The following GPC5 variants were observed in gnomAD, a reference collection of about 807,000 sequenced individuals.
The protein encoded by GPC5 is glypican 5.
GPC5 carries 47 observed loss-of-function variants against 53.9 expected under a neutral mutation model. The ratio of observed to expected loss-of-function variants is 0.87; its 90% CI spans 0.69 to 1.11. GPC5 has a LOEUF of 1.11. GPC5 is among the 50% of genes most tolerant of loss of function. The probability of loss-of-function intolerance (pLI) is 0.00; values close to 1 mark genes in which losing one functional copy is unlikely to be tolerated. For synonymous variants in GPC5, 286 were observed against 263.3 expected, an observed-to-expected ratio of 1.09 and a Z score of -0.84; for missense variants, 748 against 713.1, an observed-to-expected ratio of 1.05 and a Z score of -0.56.
At chr13:92,241,319 A>T (rs1387170048) in intron 7 of GPC5, 1 of 152,178 alleles carries the variant, frequency 6.6e-6, no homozygotes. Flanking sequence ...AATGGAAGAG[A>T]CTGGAACTCT....
chr13:92,329,793 T>G (rs716624), intron 7 of GPC5, among the ~76,000 whole-genome samples: 61,642 of 151,938 alleles, frequency 0.41, 12,654 homozygotes, highest in Middle Eastern at 0.52. Flanking sequence ...CAAGAAAACA[T>G]CACAGGACAG....
At chr13:92,263,990 A>C (rs2042783676) in intron 7 of GPC5, among the ~76,000 whole-genome samples, 1 of 152,196 alleles carries the variant, frequency 6.6e-6, no homozygotes, top group Non-Finnish European at 1.5e-5. Context: ...GGAGTGATGG[A>C]TTTGTTAATC....
intron 7 of GPC5, among the ~76,000 whole-genome samples, chr13:92,774,583 C>T (rs1273146749): frequency 2.6e-5 from 4 of 152,112 alleles, no homozygotes; most frequent in African/African-American, 7.2e-5. Context: ...TGACTGTATA[C>T]CTAAATCCAT....
intron 6 of GPC5, among the ~76,000 whole-genome samples, chr13:92,099,411 T>G (rs774023838): frequency 2.0e-5 from 3 of 152,288 alleles, no homozygotes; most frequent in Non-Finnish European, 4.4e-5. Context: ...TTTAGTGTCT[T>G]TCTTTGCTCT....
At chr13:92,194,772 C>T (rs1368609795) in intron 7 of GPC5, among the ~76,000 whole-genome samples, 1 of 152,136 alleles carries the variant, frequency 6.6e-6, no homozygotes, top group Non-Finnish European at 1.5e-5. Flanking sequence ...TATTAGCCTC[C>T]CCATCAGATT....
intron 7 of GPC5, among the ~76,000 whole-genome samples, chr13:92,858,989 C>T (rs2138853156): frequency 6.6e-6 from 1 of 152,130 alleles, no homozygotes; most frequent in South Asian, 2.1e-4. Flanking sequence ...CCTATAATCC[C>T]AACATTTTGG....
chr13:91,609,454 C>T (rs1364867316), intron 2 of GPC5, among the ~76,000 whole-genome samples: 2 of 152,180 alleles, frequency 1.3e-5, no homozygotes, highest in Admixed American at 6.5e-5. Context: ...CCAGTATCAA[C>T]CCCAGAGGAG....
chr13:91,579,023 G>A (rs1263589721), intron 2 of GPC5, among the ~76,000 whole-genome samples: 1 of 152,136 alleles, frequency 6.6e-6, no homozygotes, highest in Non-Finnish European at 1.5e-5. Flanking sequence ...TCCAGCCTGG[G>A]TGACAAAACG....
At chr13:92,134,981 A>G (rs1434303735) in intron 6 of GPC5, among the ~76,000 whole-genome samples, 2 of 152,168 alleles carry the variant, frequency 1.3e-5, no homozygotes, top group African/African-American at 2.4e-5. Flanking sequence ...TTTGCGTCAC[A>G]CATCTAATTA....
intron 7 of GPC5, among the ~76,000 whole-genome samples, chr13:92,269,163 C>G (rs1239800579): frequency 6.6e-6 from 1 of 151,852 alleles, no homozygotes; most frequent in African/African-American, 2.4e-5. Flanking sequence ...AGAATATAAA[C>G]CTTATTTTTC....
Position 91,822,317 on chromosome 13 carries a change from C to G in GPC5, c.1280+65897C>G, listed in dbSNP as rs144617258. 1.6e-3 allele frequency among the ~76,000 whole-genome samples: 237 copies of G among 152,282 alleles called. 1 individual carries two copies. The highest frequency in any genetic ancestry group is 5.2e-3 in the African/African-American group (217 of 41,572). ...ATGTTGATTAATTTCCATGGACACT[C>G]TTTGCTCTTTGGAAGAGTGGCAGGA... On this transcript the variant is annotated intron_variant, in intron 5 of 7. Coordinates refer to ENST00000377067, the MANE Select transcript of GPC5 (RefSeq NM_004466.6).
chr13:92,206,850 C>A (rs1257355477), intron 7 of GPC5, among the ~76,000 whole-genome samples: 1 of 152,108 alleles, frequency 6.6e-6, no homozygotes. Context: ...AAAATGTCTT[C>A]TAGACCAATG....
At chr13:92,669,700 A>G (rs1886684109) in intron 7 of GPC5, among the ~76,000 whole-genome samples, 1 of 152,152 alleles carries the variant, frequency 6.6e-6, no homozygotes, top group South Asian at 2.1e-4. Context: ...CTTGGAAAGC[A>G]AGACAAAGTC....
rs574972533 is a variant in GPC5, at chr13:91,588,546, T to A, written c.326-104641T>A. Among the ~76,000 whole-genome samples the A allele has an allele frequency of 9.9e-5, 15 of 152,266 alleles. No individual in the cohort carries two copies. In the South Asian group the frequency reaches 3.1e-3, roughly 32 times the overall value. Reference sequence around the variant, plus strand: ...CTCTACAGGTGATGTATTCTCCTCATATCACACAGAAAATAAAATAGGTGA... The same window carrying A: ...CTCTACAGGTGATGTATTCTCCTCAAATCACACAGAAAATAAAATAGGTGA... On this transcript the variant is annotated intron_variant, in intron 2 of 7. Transcript: ENST00000377067.
intron 5 of GPC5, among the ~76,000 whole-genome samples, chr13:91,825,960 A>C (rs1278950664): frequency 6.6e-6 from 1 of 152,120 alleles, no homozygotes; most frequent in Non-Finnish European, 1.5e-5. Flanking sequence ...TGGCAGGCTA[A>C]AAGAACCCAG....
intron 7 of GPC5, among the ~76,000 whole-genome samples, chr13:92,864,002 C>T (rs1879266405): frequency 6.6e-6 from 1 of 152,110 alleles, no homozygotes; most frequent in South Asian, 2.1e-4. Flanking sequence ...TACAATAAAT[C>T]TCCAAACTAA....
chr13:91,741,634 AC>A (rs1012701484), intron 4 of GPC5, among the ~76,000 whole-genome samples: 8 of 152,216 alleles, frequency 5.3e-5, no homozygotes, highest in Non-Finnish European at 8.8e-5. Flanking sequence ...TAATAAAAAA[AC>A]ATAGAGCTTA....
At chr13:92,699,109 G>C (rs1887650363) in intron 7 of GPC5, among the ~76,000 whole-genome samples, 1 of 151,984 alleles carries the variant, frequency 6.6e-6, no homozygotes, top group Admixed American at 6.6e-5. Context: ...TTCAGAACTT[G>C]TTACTGGTCT....
At chr13:92,126,200 G>T (rs565478537) in intron 6 of GPC5, among the ~76,000 whole-genome samples, 2 of 151,796 alleles carry the variant, frequency 1.3e-5, no homozygotes, top group Non-Finnish European at 2.9e-5. Flanking sequence ...CGATCCACCC[G>T]CCTTGGACTC....
Sources: gnomAD v4.1 joint callset for allele counts (sites outside exome capture counted in the v4.1 genomes callset) on GRCh38, gnomAD v4.1.1 for gene constraint, MANE v1.5 for transcripts, NCBI Gene and HGNC (gene_info 2026-07-23, HGNC 2026-07-21) for gene names.